SMYD3: variants seen among roughly 807,000 people sequenced by gnomAD.
SMYD3 encodes the protein histone-lysine N-methyltransferase SMYD3.
Under a neutral mutation model 57.7 loss-of-function variants are expected in SMYD3, and 36 were observed. The observed-to-expected ratio is 0.62, with a 90% CI of 0.48 to 0.82. SMYD3 has a LOEUF of 0.82. SMYD3 is among the 40% of genes least tolerant of loss of function. The probability of loss-of-function intolerance (pLI) is 0.00; values close to 1 mark genes in which losing one functional copy is unlikely to be tolerated. For synonymous variants in SMYD3, 211 were observed against 195.0 expected (o/e 1.08, Z -0.68); for missense variants, 515 against 538.8 (o/e 0.96, Z 0.44).
At chr1:246,040,772 T>C (rs1343680966) in intron 5 of SMYD3, among the ~76,000 whole-genome samples, 1 of 152,212 alleles carries the variant, frequency 6.6e-6, no homozygotes, top group Non-Finnish European at 1.5e-5. Context: ...GCGCTAGAAT[T>C]TTGTGGTCTA....
At chr1:246,409,459 G>C (rs1162524969) in intron 1 of SMYD3, among the ~76,000 whole-genome samples, 1 of 152,100 alleles carries the variant, frequency 6.6e-6, no homozygotes, top group Non-Finnish European at 1.5e-5. Context: ...TTCTTTTTGT[G>C]AGGTTTGTCA....
chr1:246,225,012 G>A (rs150017963), intron 5 of SMYD3, among the ~76,000 whole-genome samples: 1 of 151,868 alleles, frequency 6.6e-6, no homozygotes, highest in African/African-American at 2.4e-5. Context: ...ACATACGAAC[G>A]GGAGCTCAGT....
chr1:246,441,221 G>A (rs1227962671), intron 1 of SMYD3, among the ~76,000 whole-genome samples: 1 of 152,144 alleles, frequency 6.6e-6, no homozygotes, highest in Non-Finnish European at 1.5e-5. Context: ...TTCACGCTGA[G>A]CCAGTTCTTT....
At chr1:245,905,336 G>A (rs114622152) in intron 8 of SMYD3, among the ~76,000 whole-genome samples, 3,165 of 152,174 alleles carry the variant, frequency 0.021, 99 homozygotes, top group African/African-American at 0.072. Flanking sequence ...GCCTTCGGCC[G>A]GAGGGCAGTC....
At chr1:245,811,632 C>G (rs2048477786) in intron 10 of SMYD3, among the ~76,000 whole-genome samples, 1 of 152,184 alleles carries the variant, frequency 6.6e-6, no homozygotes, top group South Asian at 2.1e-4. Flanking sequence ...CACCCTCTCT[C>G]TACCAGACAC....
At position 246,284,696 on chromosome 1, in the gene SMYD3, A is replaced by G. The variant is rs556259153; in HGVS notation, c.531+42505T>C. On this transcript the variant is annotated intron_variant, in intron 5 of 11. Transcript: ENST00000490107. ...CTCCCAAAGTGCTGGGATTACAGGC[A>G]TGAGCCACCGCGCCCAGCCTCTAAT... Among the ~76,000 whole-genome samples the G allele has an allele frequency of 1.9e-3, 288 of 152,100 alleles. 1 individual carries two copies. The highest frequency in any genetic ancestry group is 3.4e-3 in the Middle Eastern group (1 of 294).
intron 5 of SMYD3, among the ~76,000 whole-genome samples, chr1:246,099,052 T>C (rs1213422811): frequency 6.6e-6 from 1 of 152,242 alleles, no homozygotes; most frequent in Non-Finnish European, 1.5e-5. Context: ...CTTTAAATAA[T>C]GCTAGAGACC....
chr1:246,396,737 T>G (rs1240964708), intron 1 of SMYD3, among the ~76,000 whole-genome samples: 3 of 152,204 alleles, frequency 2.0e-5, no homozygotes, highest in Non-Finnish European at 4.4e-5. Flanking sequence ...GACCTGGTTG[T>G]TCTCCTGCCA....
At chr1:245,961,227 T>G (rs1175445211) in intron 5 of SMYD3, among the ~76,000 whole-genome samples, 1 of 152,198 alleles carries the variant, frequency 6.6e-6, no homozygotes, top group African/African-American at 2.4e-5. Context: ...TCTCTTCTCA[T>G]AGAAACAGGG....
intron 10 of SMYD3, among the ~76,000 whole-genome samples, chr1:245,821,530 G>T (rs1372408305): frequency 2.1e-5 from 3 of 140,992 alleles, no homozygotes; most frequent in Non-Finnish European, 4.7e-5. Flanking sequence ...GGCAACAAAA[G>T]CCAAAATTGA....
intron 3 of SMYD3, among the ~76,000 whole-genome samples, chr1:246,333,666 G>T (rs12026108): frequency 0.016 from 2,420 of 152,090 alleles, 62 homozygotes; most frequent in East Asian, 0.085. Context: ...TTGAGCCCAG[G>T]AGTTTGAGAC....
intron 10 of SMYD3, among the ~76,000 whole-genome samples, chr1:245,835,504 T>C (rs1489114697): frequency 1.3e-5 from 2 of 152,208 alleles, no homozygotes; most frequent in East Asian, 1.9e-4. Flanking sequence ...AAGGATATTA[T>C]AGAGCTCAAA....
At chr1:246,070,012 T>C (rs2060415445) in intron 5 of SMYD3, among the ~76,000 whole-genome samples, 1 of 152,148 alleles carries the variant, frequency 6.6e-6, no homozygotes, top group Admixed American at 6.5e-5. Context: ...GGCCACTTCT[T>C]AGGCCTAAAT....
chr1:246,402,381 T>TTTTTTTTTTTTTTTTTTTTTTTTTTTGAG (rs1239559421), intron 1 of SMYD3, among the ~76,000 whole-genome samples: 3 of 151,500 alleles, frequency 2.0e-5, no homozygotes, highest in African/African-American at 4.8e-5. Flanking sequence ...AACGCCATCT[T>TTTTTTTTTTTTTTTTTTTTTTTTTTTGAG]AAAGATGATC....
chr1:246,411,986 A>C (rs2066982810), intron 1 of SMYD3, among the ~76,000 whole-genome samples: 2 of 151,944 alleles, frequency 1.3e-5, no homozygotes, highest in Admixed American at 6.6e-5. Flanking sequence ...AAAAAAAAAA[A>C]AAAAAAACTT....
intron 5 of SMYD3, among the ~76,000 whole-genome samples, chr1:246,205,549 T>C (rs6688075): frequency 0.13 from 20,162 of 152,160 alleles, 3,482 homozygotes; most frequent in African/African-American, 0.4. Flanking sequence ...CGGCCCAGCG[T>C]GGTGGCTCAC....
intron 10 of SMYD3, among the ~76,000 whole-genome samples, chr1:245,765,775 C>A (rs1377836154): frequency 6.6e-6 from 1 of 152,122 alleles, no homozygotes; most frequent in Non-Finnish European, 1.5e-5. Context: ...TGCCTGCCCA[C>A]AGACATCACT....
At chr1:246,171,438 C>T (rs1180157856) in intron 5 of SMYD3, among the ~76,000 whole-genome samples, 1 of 152,106 alleles carries the variant, frequency 6.6e-6, no homozygotes, top group East Asian at 1.9e-4. Context: ...TGGAAAAGAG[C>T]TTACACCTGA....
intron 10 of SMYD3, among the ~76,000 whole-genome samples, chr1:245,827,762 G>T (rs1558394623): frequency 2.0e-5 from 3 of 152,158 alleles, no homozygotes; most frequent in South Asian, 4.2e-4. Flanking sequence ...AGCTGGGTGG[G>T]CCCTGCCTTA....
Sources: allele counts gnomAD v4.1 joint callset (sites outside exome capture counted in the v4.1 genomes callset), GRCh38; gene constraint gnomAD v4.1.1; transcripts MANE v1.5; gene names NCBI Gene and HGNC (gene_info 2026-07-23, HGNC 2026-07-21).